FHAD1: variants seen among roughly 807,000 people sequenced by gnomAD.
FHAD1 encodes forkhead associated phosphopeptide binding domain 1.
In FHAD1, 146 loss-of-function variants were observed where a neutral mutation model predicts 191.3. The observed-to-expected ratio is 0.76, with a 90% CI of 0.67 to 0.88. The LOEUF (loss-of-function observed/expected upper bound fraction) is 0.88. FHAD1 is among the 40% of genes least tolerant of loss of function. The pLI, the probability that FHAD1 is intolerant of heterozygous loss-of-function variation, is 0.00. For synonymous variants in FHAD1, 616 were observed against 672.3 expected (o/e 0.92, Z 1.29); for missense variants, 1,635 against 1,785.8 (o/e 0.92, Z 1.52).
intron 2 of FHAD1, among the ~76,000 whole-genome samples, chr1:15,268,481 C>T (rs1006045773): frequency 4.7e-5 from 6 of 127,120 alleles, no homozygotes; most frequent in Admixed American, 3.4e-4. Flanking sequence ...TTTATAGCAG[C>T]GCGATTTATA....
chr1:15,387,700 A>G (rs977552603), intron 31 of FHAD1, among the ~76,000 whole-genome samples: 3 of 152,112 alleles, frequency 2.0e-5, no homozygotes, highest in African/African-American at 7.2e-5. Context: ...GCCTGGCAAT[A>G]TGGCAAAAAC....
chr1:15,327,035 A>G lies in FHAD1; in HGVS notation c.1474-24A>G, dbSNP rs1218120066. ...TGCCGGCCCCTGCTGACCCCCTGACACTGTTGCCCCCTCTCTGCTGCAGCT... is the reference window on the plus strand; with the variant it reads ...TGCCGGCCCCTGCTGACCCCCTGACGCTGTTGCCCCCTCTCTGCTGCAGCT... On this transcript the variant is annotated intron_variant, in intron 11 of 33. Transcript: ENST00000688493. The surrounding 1 kb of genome is among the most constrained non-coding windows in gnomAD (Gnocchi z 5.1). 3.3e-6 allele frequency: 5 copies of G among 1,501,212 alleles called. No homozygotes were observed. The highest frequency in any genetic ancestry group is 2.0e-5 in the Admixed American group (1 of 50,342). The allele number at this position is 1,501,212 out of a possible 1,614,324, so 93.0% of individuals were successfully genotyped here. A position where few individuals can be genotyped will look rare whatever the true frequency, so the allele number is the denominator to read the frequency against.
chr1:15,308,014 G>A (rs1026552463), intron 6 of FHAD1, among the ~76,000 whole-genome samples: 8 of 152,220 alleles, frequency 5.3e-5, no homozygotes, highest in African/African-American at 1.7e-4. Context: ...ACAGGCGTGA[G>A]CCACTGCGCC....
intron 32 of FHAD1, among the ~76,000 whole-genome samples, chr1:15,390,759 C>T (rs1703791912): frequency 6.6e-6 from 1 of 152,236 alleles, no homozygotes; most frequent in Non-Finnish European, 1.5e-5. Flanking sequence ...GACATTCAAA[C>T]AGGCCCCTAA....
chr1:15,336,080 G>C (rs549302399), intron 14 of FHAD1, among the ~76,000 whole-genome samples: 1 of 152,172 alleles, frequency 6.6e-6, no homozygotes, highest in Non-Finnish European at 1.5e-5. Flanking sequence ...CCTCTCCAAC[G>C]CACCAACCCA....
chr1:15,298,636 T>C (rs1030593401), intron 5 of FHAD1, among the ~76,000 whole-genome samples: 14 of 152,150 alleles, frequency 9.2e-5, no homozygotes, highest in African/African-American at 2.9e-4. Flanking sequence ...ATCATGTCTA[T>C]CACTTTTTCT....
chr1:15,388,279 C>T (rs1200336404), intron 32 of FHAD1, 148 bp downstream of exon 32: 1 of 355,026 alleles, frequency 2.8e-6, no homozygotes, highest in Non-Finnish European at 5.2e-6. Flanking sequence ...CTCTGCCCCT[C>T]GTCCCTCCCT....
At chr1:15,314,427 C>T (rs1489584420) in intron 8 of FHAD1, 1 of 152,132 alleles carries the variant, frequency 6.6e-6, no homozygotes, top group Non-Finnish European at 1.5e-5. Context: ...GATGTGGCCT[C>T]CCCTTTGTCA....
At chr1:15,240,630 C>CAAAA (rs34684294) in intron 1 of FHAD1, among the ~76,000 whole-genome samples, 3 of 109,872 alleles carry the variant, frequency 2.7e-5, no homozygotes, top group Admixed American at 1.0e-4. Flanking sequence ...GACCCTGTCT[C>CAAAA]AAAAAAAAAA....
At chr1:15,254,953 T>G (rs1440956485) in intron 2 of FHAD1, among the ~76,000 whole-genome samples, 5 of 152,182 alleles carry the variant, frequency 3.3e-5, no homozygotes, top group Non-Finnish European at 7.3e-5. Context: ...TAAGACAAGA[T>G]AAGGTGAAAA....
At chr1:15,260,276 G>C (rs985634724) in intron 2 of FHAD1, among the ~76,000 whole-genome samples, 23 of 152,202 alleles carry the variant, frequency 1.5e-4, no homozygotes, top group African/African-American at 5.5e-4. Context: ...TGCAACTTCT[G>C]TGTGTGTATG....
chr1:15,341,299 C>T (rs1434765070), intron 15 of FHAD1, among the ~76,000 whole-genome samples: 3 of 152,184 alleles, frequency 2.0e-5, no homozygotes, highest in Admixed American at 6.5e-5. Flanking sequence ...CCTTATTTTT[C>T]AGATAAGGAC....
At chr1:15,333,588 T>A (rs1404145525) in intron 14 of FHAD1, among the ~76,000 whole-genome samples, 1 of 152,120 alleles carries the variant, frequency 6.6e-6, no homozygotes, top group Non-Finnish European at 1.5e-5. Context: ...ATAAGGTGAT[T>A]TGAGGCACTT....
chr1:15,321,165 C>T (rs1354919731), intron 10 of FHAD1, among the ~76,000 whole-genome samples: 2 of 152,322 alleles, frequency 1.3e-5, no homozygotes, highest in East Asian at 1.9e-4. Context: ...ATCTCTTAAC[C>T]TTGTGATCTG....
At chr1:15,297,873 AG>A (rs1246569461) in intron 5 of FHAD1, among the ~76,000 whole-genome samples, 3 of 151,578 alleles carry the variant, frequency 2.0e-5, no homozygotes, top group South Asian at 2.1e-4. Context: ...AGTTTTTATT[AG>A]TTTTCTTTTT....
intron 33 of FHAD1, among the ~76,000 whole-genome samples, chr1:15,395,656 G>A (rs1705697022): frequency 6.6e-6 from 1 of 152,208 alleles, no homozygotes; most frequent in Non-Finnish European, 1.5e-5. Flanking sequence ...GAGCTGGGAA[G>A]TGCTCAAGGG....
rs937822115 is a variant in FHAD1 at position 15,289,713 on chromosome 1, A to G, written c.568+47A>G. ...GGTGGCTTGGGGGTGGTTCACGGCC[A>G]TGTGGATGGGTCTTGGTTTTGGTTT... is the stretch of plus-strand genomic sequence containing the variant. On this transcript the variant is annotated intron_variant, in intron 4 of 33. Coordinates refer to ENST00000688493, the MANE Select transcript of FHAD1 (RefSeq NM_001391957.1). The surrounding 1 kb of genome is among the most constrained non-coding windows in gnomAD (Gnocchi z 4.2). The G allele has an allele frequency of 7.9e-6, 12 of 1,513,998 alleles. No individual in the cohort carries two copies. The African/African-American group carries it at 1.1e-4, about 14-fold the overall frequency. The allele number at this position is 1,513,998 out of a possible 1,614,324, so 93.8% of individuals were successfully genotyped here.
chr1:15,375,075 C>G (rs1451710263), intron 27 of FHAD1, among the ~76,000 whole-genome samples: 1 of 151,986 alleles, frequency 6.6e-6, no homozygotes, highest in East Asian at 1.9e-4. Flanking sequence ...TCAGGCTGGT[C>G]TTGAACTCCT....
In FHAD1 at chr1:15,258,282, A is replaced by T. The variant is rs75121835; in HGVS notation, c.93+6405A>T. On this transcript the variant is annotated intron_variant, in intron 2 of 33. Transcript: ENST00000688493. ...CTGGCAGCCACCGTCTTTCTGACAA[A>T]GTACTTTCTGTCTCTGAATTTGCCT... Among the ~76,000 whole-genome samples the T allele has an allele frequency of 6.3e-3, 962 of 152,286 alleles. 47 individuals carry two copies. In the East Asian group the frequency reaches 0.1, roughly 16 times the overall value.
Sources: allele counts gnomAD v4.1 joint callset (sites outside exome capture counted in the v4.1 genomes callset), GRCh38; gene constraint gnomAD v4.1.1; non-coding constraint Gnocchi (gnomAD v3.1); transcripts MANE v1.5; gene names NCBI Gene and HGNC (gene_info 2026-07-23, HGNC 2026-07-21).